Variants in THSD7B observed in about 807,000 individuals in gnomAD.
THSD7B encodes the protein thrombospondin type 1 domain containing 7B.
In THSD7B, 138 loss-of-function variants were observed where a neutral mutation model predicts 213.6. That is an observed-to-expected ratio of 0.65 (90% CI 0.56 to 0.74). THSD7B has a LOEUF of 0.74. Ranked by LOEUF, THSD7B falls within the 30% of genes least tolerant of loss-of-function variation. The pLI is 0.00. For synonymous variants in THSD7B, 742 were observed against 687.0 expected (o/e 1.08, Z -1.25); for missense variants, 1,931 against 1,991.5 (o/e 0.97, Z 0.58).
At chr2:137,555,263 C>A (rs1312598525) in intron 15 of THSD7B, among the ~76,000 whole-genome samples, 1 of 152,158 alleles carries the variant, frequency 6.6e-6, no homozygotes, top group Non-Finnish European at 1.5e-5. Flanking sequence ...GGTCCCTGAC[C>A]CCCGAGTAGC....
chr2:137,427,802 T>C (rs1687093704), intron 14 of THSD7B, among the ~76,000 whole-genome samples: 1 of 152,162 alleles, frequency 6.6e-6, no homozygotes, highest in Admixed American at 6.5e-5. Flanking sequence ...TAGTATATAC[T>C]TGAAATTCTC....
intron 17 of THSD7B, among the ~76,000 whole-genome samples, chr2:137,602,331 G>A (rs548963516): frequency 7.8e-4 from 118 of 151,886 alleles, no homozygotes; most frequent in African/African-American, 2.6e-3. Context: ...GTGCAGTGGC[G>A]CAATCTTGGC....
At chr2:137,660,680 G>T (rs1025333316) in intron 25 of THSD7B, among the ~76,000 whole-genome samples, 2 of 152,116 alleles carry the variant, frequency 1.3e-5, no homozygotes, top group African/African-American at 4.8e-5. Context: ...ACATATGACT[G>T]ACTGGTTACA....
At position 137,057,006 on chromosome 2, in the gene THSD7B, C is replaced by T. The variant is rs1406237527; in HGVS notation, c.726C>T (p.Ser242=). Residue 242 remains serine (S), a synonymous_variant, in exon 3 of 28, where the codon AGC becomes AGT. Transcript: ENST00000409968. The stretch of plus-strand genomic sequence containing the variant: ...TTGGGGAAGAGGAATATACATTTAG[C>T]CTTAAGGTTGGACCATGGAGTAAAT... The part of the protein sequence containing the change: ...CPLGEEEYTF[S]LKVGPWSKCR... The T allele has an allele frequency of 6.2e-7, 1 of 1,613,732 alleles. No homozygotes were observed. The highest frequency in any genetic ancestry group is 1.3e-5 in the African/African-American group (1 of 74,874).
At chr2:136,816,535 T>C (rs926034767) in intron 1 of THSD7B, among the ~76,000 whole-genome samples, 2 of 152,240 alleles carry the variant, frequency 1.3e-5, no homozygotes, top group Non-Finnish European at 2.9e-5. Flanking sequence ...TTGAAGTTTT[T>C]GAGTTTTTGT....
chr2:137,449,285 A>G (rs1348531888), intron 14 of THSD7B, among the ~76,000 whole-genome samples: 1 of 152,202 alleles, frequency 6.6e-6, no homozygotes, highest in Non-Finnish European at 1.5e-5. Flanking sequence ...GACACATTTT[A>G]ATGTTTGTGT....
intron 17 of THSD7B, among the ~76,000 whole-genome samples, chr2:137,612,078 A>C (rs190941662): frequency 6.6e-6 from 1 of 152,218 alleles, no homozygotes; most frequent in Admixed American, 6.6e-5. Flanking sequence ...TTTCACATTC[A>C]TGTGTCTTAA....
chr2:137,596,813 T>C (rs1681969821), intron 17 of THSD7B, among the ~76,000 whole-genome samples: 1 of 152,058 alleles, frequency 6.6e-6, no homozygotes, highest in Non-Finnish European at 1.5e-5. Flanking sequence ...TAACAGAATA[T>C]AGTTTGATCA....
chr2:137,334,511 C>G (rs1326668236), intron 12 of THSD7B, among the ~76,000 whole-genome samples: 1 of 152,140 alleles, frequency 6.6e-6, no homozygotes, highest in African/African-American at 2.4e-5. Flanking sequence ...CCCTTCAGCT[C>G]AATATTAACT....
chr2:136,924,542 T>C (rs1684490620), intron 2 of THSD7B, among the ~76,000 whole-genome samples: 2 of 152,184 alleles, frequency 1.3e-5, no homozygotes, highest in African/African-American at 4.8e-5. Context: ...GATATATATA[T>C]ATGTTTTTTA....
At chr2:137,277,480 C>T (rs928919890) in intron 12 of THSD7B, among the ~76,000 whole-genome samples, 1 of 151,984 alleles carries the variant, frequency 6.6e-6, no homozygotes, top group African/African-American at 2.4e-5. Context: ...GGAAGAAAGA[C>T]ATTGCTACCT....
chr2:136,948,969 A>T lies in THSD7B; in HGVS notation c.139+66652A>T, dbSNP rs571904745. The stretch of plus-strand genomic sequence containing the variant: ...TTGATTTTGACACTATTGGTTTTTT[A>T]AAAAAAATTGTTGGTTTTTGGAGAT... On this transcript the variant is annotated intron_variant, in intron 2 of 27. Coordinates refer to ENST00000409968, the MANE Select transcript of THSD7B (RefSeq NM_001316349.2). Among the ~76,000 whole-genome samples the T allele has an allele frequency of 3.2e-4, 49 of 152,142 alleles. No individual in the cohort carries two copies. The South Asian group carries it at 4.6e-3, about 14-fold the overall frequency.
chr2:137,400,989 G>T (rs928252321), intron 12 of THSD7B, among the ~76,000 whole-genome samples: 2 of 152,202 alleles, frequency 1.3e-5, no homozygotes, highest in East Asian at 1.9e-4. Flanking sequence ...AGGTGAAACC[G>T]CTGACATGCC....
chr2:137,077,308 C>T (rs1687648776), intron 3 of THSD7B, among the ~76,000 whole-genome samples: 2 of 152,042 alleles, frequency 1.3e-5, no homozygotes, highest in African/African-American at 4.8e-5. Context: ...GTCTTTATAG[C>T]AGCATGTTTT....
chr2:136,793,558 G>T (rs1682006461), intron 1 of THSD7B, among the ~76,000 whole-genome samples: 1 of 151,878 alleles, frequency 6.6e-6, no homozygotes, highest in Admixed American at 6.6e-5. Context: ...CACAGATTTT[G>T]TCTTACTTAT....
chr2:137,146,890 G>C (rs1281481569), intron 5 of THSD7B, among the ~76,000 whole-genome samples: 2 of 152,152 alleles, frequency 1.3e-5, no homozygotes, highest in African/African-American at 4.8e-5. Flanking sequence ...GTTGCTAAGA[G>C]ATTGGCCCAG....
chr2:137,197,783 G>A (rs942356074), intron 7 of THSD7B, among the ~76,000 whole-genome samples: 3 of 152,190 alleles, frequency 2.0e-5, no homozygotes, highest in Admixed American at 6.5e-5. Flanking sequence ...TTTGTTCAGA[G>A]AGTGTAGTCC....
intron 13 of THSD7B, among the ~76,000 whole-genome samples, chr2:137,410,415 C>T (rs781137265): frequency 7.9e-5 from 12 of 152,066 alleles, no homozygotes; most frequent in East Asian, 3.9e-4. Context: ...ATTACAGGCA[C>T]GTGCCACCAC....
intron 1 of THSD7B, among the ~76,000 whole-genome samples, chr2:136,784,912 C>T (rs374912588): frequency 6.6e-6 from 1 of 152,184 alleles, no homozygotes; most frequent in Non-Finnish European, 1.5e-5. Flanking sequence ...TCTGGCAAAA[C>T]AATCTCTATT....
Sources: allele counts gnomAD v4.1 joint callset (sites outside exome capture counted in the v4.1 genomes callset), GRCh38; gene constraint gnomAD v4.1.1; transcripts MANE v1.5; gene names NCBI Gene and HGNC (gene_info 2026-07-23, HGNC 2026-07-21).